The following SLC24A2 variants were observed in gnomAD, a reference collection of about 807,000 sequenced individuals.
The protein encoded by SLC24A2 is solute carrier family 24 member 2.
Under a neutral mutation model 62.0 loss-of-function variants are expected in SLC24A2, and 36 were observed. The ratio of observed to expected loss-of-function variants is 0.58; its 90% confidence interval spans 0.44 to 0.77. The LOEUF (loss-of-function observed/expected upper bound fraction) is 0.77. Among genes scored for constraint, SLC24A2 ranks in the 30% least tolerant of loss-of-function variants. The pLI, the probability that SLC24A2 is intolerant of heterozygous loss-of-function variation, is 0.00. For missense variants in SLC24A2, 846 were observed against 817.9 expected (o/e 1.03, Z -0.42); for synonymous variants, 358 against 294.0 (o/e 1.22, Z -2.23).
the SLC24A2 span, among the ~76,000 whole-genome samples, chr9:20,157,716 T>G: frequency 2.0e-5 from 3 of 151,322 alleles, no homozygotes; most frequent in African/African-American, 7.3e-5. Flanking sequence ...GATGTGGCAG[T>G]GAAGAGAAAA....
the SLC24A2 span, among the ~76,000 whole-genome samples, chr9:20,004,361 G>C: frequency 6.6e-6 from 1 of 152,196 alleles, no homozygotes; most frequent in South Asian, 2.1e-4. Context: ...TTCCAGGGAA[G>C]CTGGTCATAA....
At chr9:19,752,497 C>A (rs1822013899) in intron 2 of SLC24A2, among the ~76,000 whole-genome samples, 1 of 120,764 alleles carries the variant, frequency 8.3e-6, no homozygotes, top group Admixed American at 8.0e-5. Flanking sequence ...TGCCATTTAA[C>A]ACAGACCATG....
At chr9:19,602,881 A>C (rs1212105405) in intron 4 of SLC24A2, among the ~76,000 whole-genome samples, 2 of 152,228 alleles carry the variant, frequency 1.3e-5, no homozygotes, top group Admixed American at 1.3e-4. Flanking sequence ...TGGCAGGCAC[A>C]TGGTAAATAT....
the SLC24A2 span, among the ~76,000 whole-genome samples, chr9:20,226,810 C>A: frequency 1.3e-5 from 2 of 152,174 alleles, no homozygotes; most frequent in Non-Finnish European, 2.9e-5. Flanking sequence ...CTCTATCAAT[C>A]ATGAGTGTGT....
the SLC24A2 span, among the ~76,000 whole-genome samples, chr9:20,039,114 G>C: frequency 6.6e-6 from 1 of 152,190 alleles, no homozygotes; most frequent in South Asian, 2.1e-4. Flanking sequence ...ATAGACAGAA[G>C]GGGGAAAGGA....
At chr9:19,907,061 G>C in the SLC24A2 span, among the ~76,000 whole-genome samples, 42 of 152,208 alleles carry the variant, frequency 2.8e-4, no homozygotes, top group African/African-American at 9.9e-4. Context: ...GATGAACATC[G>C]ATGCAAAAAT....
chr9:20,152,921 C>T, the SLC24A2 span, among the ~76,000 whole-genome samples: 2 of 151,684 alleles, frequency 1.3e-5, no homozygotes, highest in South Asian at 2.1e-4. Context: ...GAATTTGGAG[C>T]GTTAGTGATT....
chr9:19,828,912 G>A, the SLC24A2 span, among the ~76,000 whole-genome samples: 72 of 152,046 alleles, frequency 4.7e-4, no homozygotes, highest in Non-Finnish European at 7.5e-4. Flanking sequence ...TGCAATCTAG[G>A]TGGGGCTATT....
At chr9:19,897,479 T>A in the SLC24A2 span, among the ~76,000 whole-genome samples, 46 of 152,168 alleles carry the variant, frequency 3.0e-4, no homozygotes, top group African/African-American at 1.1e-3. Flanking sequence ...CAATTATAGA[T>A]GTATATGTCA....
At chr9:19,523,447 T>C (rs1028427077) in intron 9 of SLC24A2, among the ~76,000 whole-genome samples, 12 of 152,140 alleles carry the variant, frequency 7.9e-5, no homozygotes, top group African/African-American at 2.9e-4. Flanking sequence ...TAAATAAAAA[T>C]CTAGTTTTTT....
At chr9:19,993,004 T>C in the SLC24A2 span, among the ~76,000 whole-genome samples, 1 of 152,224 alleles carries the variant, frequency 6.6e-6, no homozygotes, top group Non-Finnish European at 1.5e-5. Context: ...CTTATTTTTT[T>C]CATTCTTATT....
the SLC24A2 span, among the ~76,000 whole-genome samples, chr9:19,860,744 A>G: frequency 6.6e-6 from 1 of 152,146 alleles, no homozygotes; most frequent in Non-Finnish European, 1.5e-5. Flanking sequence ...ACCAGGAGGC[A>G]TTCATGACAA....
At chr9:19,829,420 T>C in the SLC24A2 span, among the ~76,000 whole-genome samples, 117 of 152,298 alleles carry the variant, frequency 7.7e-4, no homozygotes, top group Non-Finnish European at 1.4e-3. Context: ...ACCTGGCATG[T>C]TGCAAGCACT....
chr9:19,961,397 C>A, the SLC24A2 span, among the ~76,000 whole-genome samples: 1 of 152,122 alleles, frequency 6.6e-6, no homozygotes, highest in African/African-American at 2.4e-5. Flanking sequence ...AAAACCCAAT[C>A]TTTGGCATGG....
the SLC24A2 span, among the ~76,000 whole-genome samples, chr9:20,202,915 A>G: frequency 6.6e-6 from 1 of 152,236 alleles, no homozygotes; most frequent in Non-Finnish European, 1.5e-5. Flanking sequence ...ATTTTAATTT[A>G]GCAAACACTC....
intron 2 of SLC24A2, among the ~76,000 whole-genome samples, chr9:19,724,694 C>A (rs1366967583): frequency 6.6e-6 from 1 of 152,016 alleles, no homozygotes; most frequent in African/African-American, 2.4e-5. Context: ...TTCCAATATA[C>A]CCACATTATG....
the SLC24A2 span, among the ~76,000 whole-genome samples, chr9:19,877,909 T>C: frequency 6.6e-6 from 1 of 152,196 alleles, no homozygotes. Context: ...ATCCTTATTT[T>C]CTTATTACTT....
chr9:19,694,831 A>G (rs916074471), intron 2 of SLC24A2, among the ~76,000 whole-genome samples: 6 of 152,154 alleles, frequency 3.9e-5, no homozygotes, highest in Non-Finnish European at 8.8e-5. Context: ...GGACTCAGAG[A>G]TACCAAACAC....
intron 2 of SLC24A2, among the ~76,000 whole-genome samples, chr9:19,724,849 A>G (rs1821124708): frequency 6.6e-6 from 1 of 152,162 alleles, no homozygotes; most frequent in Non-Finnish European, 1.5e-5. Context: ...AAACACAAAC[A>G]CCAGTTAGAT....
Sources: allele counts gnomAD v4.1 joint callset (sites outside exome capture counted in the v4.1 genomes callset), GRCh38; gene constraint gnomAD v4.1.1; transcripts MANE v1.5; gene names NCBI Gene and HGNC (gene_info 2026-07-23, HGNC 2026-07-21).